Variants in RNF32 observed in about 807,000 individuals in gnomAD.
The protein encoded by RNF32 is ring finger protein 32.
A neutral mutation model predicts 41.0 loss-of-function variants in RNF32; 36 were observed. The observed-to-expected ratio is 0.88, with a 90% CI of 0.67 to 1.16. The LOEUF is 1.16. Among genes scored for constraint, RNF32 ranks in the 50% most tolerant of loss-of-function variants. The probability of loss-of-function intolerance (pLI) is 0.00; values close to 1 mark genes in which losing one functional copy is unlikely to be tolerated. For synonymous variants in RNF32, 154 were observed against 160.9 expected, an observed-to-expected ratio of 0.96 and a Z score of 0.32; for missense variants, 413 against 436.7, an observed-to-expected ratio of 0.95 and a Z score of 0.48.
chr7:156,675,988 G>A (rs1291129350), intron 8 of RNF32, 125 bp downstream of exon 8: 2 of 1,023,494 alleles, frequency 2.0e-6, no homozygotes, highest in Non-Finnish European at 2.9e-6. Flanking sequence ...GGCCCGGGGT[G>A]CAGCCGTGGA....
intron 2 of RNF32, 91 bp from the exon 3 acceptor site, chr7:156,644,408 C>T: frequency 1.1e-6 from 1 of 948,336 alleles, no homozygotes; most frequent in South Asian, 1.5e-5. Flanking sequence ...GTTGTATGTG[C>T]CATCAAGGTT....
chr7:156,673,316 A>G (rs1802999548), intron 7 of RNF32, among the ~76,000 whole-genome samples: 1 of 152,234 alleles, frequency 6.6e-6, no homozygotes, highest in Non-Finnish European at 1.5e-5. Flanking sequence ...TGAATTACAA[A>G]GCATCAATTG....
At chr7:156,640,737 G>C (rs985154552), upstream of RNF32, 1 of 277,530 alleles carries the variant, frequency 3.6e-6, no homozygotes, top group Admixed American at 5.8e-5. Flanking sequence ...CTACGGCAAC[G>C]GTGGGCGGCC....
chr7:156,675,762 A>G lies in RNF32; in HGVS notation c.751A>G (p.Ile251Val), dbSNP rs1295078087. 6.2e-7 allele frequency: 1 copy of G among 1,614,138 alleles called. No individual in the cohort carries two copies. The highest frequency in any genetic ancestry group is 8.5e-7 in the Non-Finnish European group (1 of 1,179,978). ...CAACATTGAAGAGCTCTTTGCAGAA[A>G]TCGATCAGTGCTTGGCCATAAATCG... ...NTNIEELFAE[I>V]DQCLAINRSV... The change falls in exon 8 of 9, where the codon ATC (isoleucine) becomes GTC (valine). Residue 251 changes from isoleucine (I) to valine (V), a missense_variant. Ile to Val is a conservative substitution (Grantham distance 29). Transcript: ENST00000317955.
At chr7:156,672,488 C>G (rs576016939) in intron 7 of RNF32, among the ~76,000 whole-genome samples, 1 of 152,288 alleles carries the variant, frequency 6.6e-6, no homozygotes, top group East Asian at 1.9e-4. Context: ...TCACCCAACA[C>G]AGTTGTTCAG....
chr7:156,671,393 A>G (rs1802475263), intron 7 of RNF32, among the ~76,000 whole-genome samples: 2 of 152,198 alleles, frequency 1.3e-5, no homozygotes, highest in Non-Finnish European at 2.9e-5. Flanking sequence ...TTTACAGAAG[A>G]AGGCTGATGT....
chr7:156,654,983 CGGCTGTGCAGACAACTGGGG>C (rs1156532717), intron 4 of RNF32: 1 of 273,082 alleles, frequency 3.7e-6, no homozygotes, highest in Non-Finnish European at 7.0e-6. Context: ...AGGCCCCATG[CGGCTGTGCAGACAACTGGGG>C]GGCTTCCCAG....
chr7:156,643,767 T>TA, intron 1 of RNF32, 34 bp from the exon 2 acceptor site: 1 of 994,896 alleles, frequency 1.0e-6, no homozygotes, highest in Non-Finnish European at 1.6e-6. Flanking sequence ...CTGTGCACTG[T>TA]AACTTTGACT....
intron 1 of RNF32, among the ~76,000 whole-genome samples, chr7:156,643,547 T>C (rs951361701): frequency 6.6e-6 from 1 of 152,244 alleles, no homozygotes; most frequent in African/African-American, 2.4e-5. Flanking sequence ...GATTAATTCA[T>C]AGTAATTAAC....
intron 7 of RNF32, 92 bp from the exon 8 acceptor site, chr7:156,675,604 G>A: frequency 1.9e-6 from 2 of 1,045,812 alleles, no homozygotes; most frequent in South Asian, 1.4e-5. Context: ...GACGAGGAAG[G>A]TTACCAAAAT....
At position 156,670,158 on chromosome 7, in the gene RNF32, T is replaced by A. The variant is rs755817025; in HGVS notation, c.685-5538T>A. 1.7e-4 allele frequency among the ~76,000 whole-genome samples: 26 copies of A among 152,226 alleles called. No homozygotes were observed. Among genetic ancestry groups the A allele is most frequent in the Non-Finnish European group, 2.9e-4 (20 of 68,038 alleles). On this transcript the variant is annotated intron_variant, in intron 7 of 8. Coordinates refer to ENST00000317955, the MANE Select transcript of RNF32 (RefSeq NM_030936.4). The surrounding 1 kb of genome is among the most constrained non-coding windows in gnomAD (Gnocchi z 4.3). ...AAGTGCAAATATTAGAGCATTTAAGTCATACGTGGAATCACCAAAAGCACA... is the reference window on the plus strand; with the variant it reads ...AAGTGCAAATATTAGAGCATTTAAGACATACGTGGAATCACCAAAAGCACA...
chr7:156,649,375 C>T (rs1798402499), intron 3 of RNF32, among the ~76,000 whole-genome samples: 1 of 152,006 alleles, frequency 6.6e-6, no homozygotes, highest in African/African-American at 2.4e-5. Flanking sequence ...GTCTGTGCCT[C>T]TCTACTTTTA....
At chr7:156,654,898 T>C in intron 4 of RNF32, 180 bp downstream of exon 4, 1 of 524,796 alleles carries the variant, frequency 1.9e-6, no homozygotes, top group Admixed American at 3.2e-5. Context: ...ACACCCTCAT[T>C]AAATAGTTTT....
rs150846510 is a variant in RNF32, at chr7:156,676,505, T to G, written c.939T>G (p.Arg313=). The G allele has an allele frequency of 8.1e-6, 13 of 1,613,910 alleles. No homozygotes were observed. The highest frequency in any genetic ancestry group is 5.0e-5 in the Admixed American group (3 of 59,998). The change falls in exon 9 of 9, where the codon CGT becomes CGG. Residue 313 remains arginine (R), a synonymous_variant. Transcript: ENST00000317955. ...GTCAGCGCGTGGGTGCAGGCAGGCG[T>G]TCCAGAGAGATGGCCCTCCTGTCCT... ...AGGQRVGAGR[R]SREMALLSCS...
rs1270617095 is a variant in RNF32 at position 156,670,672 on chromosome 7, G to A, written c.685-5024G>A. Among the ~76,000 whole-genome samples the A allele has an allele frequency of 6.6e-6, 1 of 152,174 alleles. No homozygotes were observed. The highest frequency in any genetic ancestry group is 2.4e-5 in the African/African-American group (1 of 41,430). ...CCTGGGACCTGCAGATTTCCCAGTGGGAGCGGCAGAAGGTGAGATGGCATC... is the reference window on the plus strand; with the variant it reads ...CCTGGGACCTGCAGATTTCCCAGTGAGAGCGGCAGAAGGTGAGATGGCATC... On this transcript the variant is annotated intron_variant, in intron 7 of 8. Transcript: ENST00000317955. The surrounding 1 kb of genome is among the most constrained non-coding windows in gnomAD (Gnocchi z 4.3).
chr7:156,649,746 C>T (rs970149131), intron 3 of RNF32, among the ~76,000 whole-genome samples: 1 of 152,158 alleles, frequency 6.6e-6, no homozygotes, highest in African/African-American at 2.4e-5. Context: ...GTTGAATCTT[C>T]GTGCATAGCT....
Position 156,644,660 on chromosome 7 carries a change from AATAG to A in RNF32, c.181_184del (p.Asp61LeufsTer12). On this transcript the variant is annotated frameshift_variant, in exon 3 of 9. Transcript: ENST00000317955. LOFTEE classifies it high-confidence loss of function. ...CTCTAAAAAGAGATACAAAGGCAATAATAGATACTGGACTTAAAAAAACTACACA... is the reference window on the plus strand; with the variant it reads ...CTCTAAAAAGAGATACAAAGGCAATAATACTGGACTTAAAAAAACTACACA... 1 of 1,613,180 alleles carries A rather than the reference AATAG, an allele frequency of 6.2e-7. No homozygotes were observed. The highest frequency in any genetic ancestry group is 2.2e-5 in the East Asian group (1 of 44,860).
In RNF32 at chr7:156,644,654, G is replaced by A; in HGVS notation, c.171G>A (p.Lys57=). The change falls in exon 3 of 9, where the codon AAG becomes AAA. Residue 57 remains lysine, a synonymous_variant. Coordinates refer to ENST00000317955, the MANE Select transcript of RNF32 (RefSeq NM_030936.4). ...KENKSLKRDT[K]AIIDTGLKKT... is the part of the protein sequence containing the mutation. ...ACAAATCTCTAAAAAGAGATACAAA[G>A]GCAATAATAGATACTGGACTTAAAA... 4 of 1,612,790 alleles carry A rather than the reference G, an allele frequency of 2.5e-6. No individual in the cohort carries two copies. Among genetic ancestry groups the A allele is most frequent in the Middle Eastern group, 1.7e-4 (1 of 6,060 alleles).
intron 3 of RNF32, 191 bp from the exon 4 acceptor site, chr7:156,654,385 C>A (rs1799277511): frequency 2.0e-6 from 1 of 496,512 alleles, no homozygotes; most frequent in Non-Finnish European, 3.6e-6. Flanking sequence ...CTATCAGGGA[C>A]TTGAGCATCC....
Sources: gnomAD v4.1 joint callset for allele counts (sites outside exome capture counted in the v4.1 genomes callset) on GRCh38, gnomAD v4.1.1 for gene constraint, Gnocchi (gnomAD v3.1) non-coding constraint, MANE v1.5 for transcripts, NCBI Gene and HGNC (gene_info 2026-07-23, HGNC 2026-07-21) for gene names.